Variants in B3GALT5 observed in about 807,000 individuals in gnomAD.
The protein encoded by B3GALT5 is beta-1,3-galactosyltransferase 5.
For missense variants in B3GALT5, 328 were observed against 396.6 expected (o/e 0.83, Z 1.47); for synonymous variants, 156 against 158.6 (o/e 0.98, Z 0.12).
At position 39,670,211 on chromosome 21, in the gene B3GALT5, CTG is replaced by C. The variant is rs146244694; in HGVS notation, c.*8743_*8744del. 4,785 of 148,860 alleles carry C rather than the reference CTG, an allele frequency of 0.032. 186 individuals carry two copies. The highest frequency in any genetic ancestry group is 0.093 in the African/African-American group (3,773 of 40,720). The allele number at this position is 148,860 out of a possible 1,614,324, so 9.2% of individuals were successfully genotyped here. ...CAAGCCCGGGGGCGCCACACTCAGA[CTG>C]TGTGTGTGTGTGTGTGTGTGTGTAT... On this transcript the variant is annotated 3_prime_UTR_variant, in exon 4 of 4. Transcript: ENST00000684187.
intron 1 of B3GALT5, among the ~76,000 whole-genome samples, chr21:39,641,409 T>C (rs893376237): frequency 2.7e-5 from 4 of 149,592 alleles, no homozygotes; most frequent in Non-Finnish European, 6.0e-5. Flanking sequence ...ATTGATGCCC[T>C]AAATTCTTAC....
intron 2 of B3GALT5, chr21:39,657,598 C>T (rs962177911): frequency 6.5e-5 from 18 of 278,648 alleles, no homozygotes; most frequent in East Asian, 2.9e-4. Context: ...TGGCCTGTCA[C>T]GGTATTTCCC....
At chr21:39,637,817 G>T (rs1295408972) in intron 1 of B3GALT5, among the ~76,000 whole-genome samples, 1 of 152,206 alleles carries the variant, frequency 6.6e-6, no homozygotes, top group Non-Finnish European at 1.5e-5. Flanking sequence ...TAGAAGCAAG[G>T]AGACTTAATT....
In B3GALT5 at chr21:39,662,961, T is replaced by C. The variant is rs901474102; in HGVS notation, c.*1469T>C. On this transcript the variant is annotated 3_prime_UTR_variant, in exon 4 of 4. Transcript: ENST00000684187. ...TTCAATTGCAAAAGTACGTCTGATA[T>C]CCTATTTTGCATACCATTTCTTGTG... The C allele has an allele frequency of 1.3e-5, 2 of 157,172 alleles. No individual in the cohort carries two copies. The highest frequency in any genetic ancestry group is 2.9e-5 in the Non-Finnish European group (2 of 68,060). The allele number at this position is 157,172 out of a possible 1,614,324, so 9.7% of individuals were successfully genotyped here. A position where few individuals can be genotyped will look rare whatever the true frequency, so the allele number is the denominator to read the frequency against.
At chr21:39,617,077 G>C (rs1172707059) in intron 1 of B3GALT5, among the ~76,000 whole-genome samples, 5 of 152,136 alleles carry the variant, frequency 3.3e-5, no homozygotes, top group Non-Finnish European at 5.9e-5. Flanking sequence ...AGCTCCCTCT[G>C]TCCCCTCCCT....
rs1034881377 is a variant in B3GALT5 at position 39,663,771 on chromosome 21, C to T, written c.*2279C>T. The T allele has an allele frequency of 6.6e-6, 1 of 152,230 alleles. No homozygotes were observed. Among genetic ancestry groups the T allele is most frequent in the East Asian group, 1.9e-4 (1 of 5,190 alleles). 9.4% of individuals were successfully genotyped at this position (152,230 alleles called of 1,614,324 possible). A position where few individuals can be genotyped will look rare whatever the true frequency, so the allele number is the denominator to read the frequency against. ...GGCTCAGAGAGACGTAACAACTTGC[C>T]CAGGACCTTCCCAGCTTGTTTGTTG... On this transcript the variant is annotated 3_prime_UTR_variant, in exon 4 of 4. Transcript: ENST00000684187.
chr21:39,647,230 G>T (rs1164025709), intron 2 of B3GALT5, among the ~76,000 whole-genome samples: 1 of 152,226 alleles, frequency 6.6e-6, no homozygotes. Context: ...GGAGTCTTTG[G>T]TTCTCACCTT....
intron 1 of B3GALT5, among the ~76,000 whole-genome samples, chr21:39,618,783 T>A (rs926005425): frequency 6.6e-6 from 1 of 152,190 alleles, no homozygotes; most frequent in Non-Finnish European, 1.5e-5. Context: ...TTTAATTTGG[T>A]GAAATTTACC....
Position 39,661,467 on chromosome 21 carries a change from G to T in B3GALT5, c.908G>T (p.Arg303Leu). 1 of 1,509,728 alleles carries T rather than the reference G, an allele frequency of 6.6e-7. No homozygotes were observed. The highest frequency in any genetic ancestry group is 8.8e-7 in the Non-Finnish European group (1 of 1,130,218). 93.5% of individuals were successfully genotyped at this position (1,509,728 alleles called of 1,614,324 possible). The change falls in exon 4 of 4, where the codon CGG (arginine) becomes CTG (leucine). Residue 303 changes from arginine (R) to leucine (L), a missense_variant. Transcript: ENST00000684187. This position sits in a 1 kb window ranked among gnomAD's most constrained non-coding sequence, Gnocchi z 4.7. ...LDYWQALENSRGEDCPPV is the reference protein window; with the variant it reads ...LDYWQALENSLGEDCPPV Reference sequence around the variant, plus strand: ...TACTGGCAGGCTCTAGAGAATTCCCGGGGGGAAGATTGTCCGCCTGTCTGA... The same window carrying T: ...TACTGGCAGGCTCTAGAGAATTCCCTGGGGGAAGATTGTCCGCCTGTCTGA...
chr21:39,655,975 A>G lies in B3GALT5; in HGVS notation c.-160-3778A>G, dbSNP rs140704392. Among the ~76,000 whole-genome samples, 810 of 152,222 alleles carry G rather than the reference A, an allele frequency of 5.3e-3. 39 individuals are homozygous for G. The highest frequency in any genetic ancestry group is 0.049 in the Admixed American group (749 of 15,288). On this transcript the variant is annotated intron_variant, in intron 2 of 3. Transcript: ENST00000684187. ...TGGGCACAGTGGTCTGGGGTCTTCG[A>G]CCTTGTTTATACGTGGTGCCTGTTA...
chr21:39,622,111 T>C (rs976326153), intron 1 of B3GALT5, among the ~76,000 whole-genome samples: 1 of 152,110 alleles, frequency 6.6e-6, no homozygotes, highest in Non-Finnish European at 1.5e-5. Context: ...AAATATCTAT[T>C]ATGATTTCCT....
intron 1 of B3GALT5, among the ~76,000 whole-genome samples, chr21:39,645,789 A>G (rs2079332281): frequency 6.6e-6 from 1 of 152,174 alleles, no homozygotes; most frequent in South Asian, 2.1e-4. Context: ...GGCAGTGGTC[A>G]AAAGGGGAGA....
intron 1 of B3GALT5, among the ~76,000 whole-genome samples, chr21:39,626,653 T>G (rs148993759): frequency 6.6e-6 from 1 of 152,332 alleles, no homozygotes; most frequent in African/African-American, 2.4e-5. Context: ...TGCGAAGTGC[T>G]GTCTCATTGT....
chr21:39,642,068 C>T (rs977696914), intron 1 of B3GALT5, among the ~76,000 whole-genome samples: 2 of 152,192 alleles, frequency 1.3e-5, no homozygotes, highest in Non-Finnish European at 2.9e-5. Flanking sequence ...TACCTTGCTC[C>T]GTAACTGTTG....
At chr21:39,652,065 C>T (rs1413726048) in intron 2 of B3GALT5, among the ~76,000 whole-genome samples, 1 of 152,170 alleles carries the variant, frequency 6.6e-6, no homozygotes, top group African/African-American at 2.4e-5. Context: ...CCATAGTGAA[C>T]CCTGTGAGGT....
At position 39,643,417 on chromosome 21, in the gene B3GALT5, C is replaced by CAA. The variant is rs532164130; in HGVS notation, c.-391-2960_-391-2959dup. ...TGGGCAACAGAGCGAGACTCTAGCT[C>CAA]AAAAAAAAAAAAAAAAGAAAAAGAA... On this transcript the variant is annotated intron_variant, in intron 1 of 3. Transcript: ENST00000684187. Among the ~76,000 whole-genome samples, 1,022 of 113,372 alleles carry CAA rather than the reference C, an allele frequency of 9.0e-3. 7 individuals are homozygous for CAA. Among genetic ancestry groups the CAA allele is most frequent in the African/African-American group, 0.024 (743 of 30,992 alleles). 74.4% of individuals were successfully genotyped at this position (113,372 alleles called of 152,430 possible).
chr21:39,668,531 ACATCATCCT>A lies in B3GALT5; in HGVS notation c.*7042_*7050del, dbSNP rs2079598813. 6.6e-6 allele frequency: 1 copy of A among 152,216 alleles called. No individual in the cohort carries two copies. The highest frequency in any genetic ancestry group is 1.5e-5 in the Non-Finnish European group (1 of 68,066). 9.4% of individuals were successfully genotyped at this position (152,216 alleles called of 1,614,324 possible). A position where few individuals can be genotyped will look rare whatever the true frequency, so the allele number is the denominator to read the frequency against. The stretch of plus-strand genomic sequence containing the variant: ...GAAGTTGTAGCCTCCTCCTCCCATG[ACATCATCCT>A]CACACGTGCTCAGTGTTAGGCATTT... On this transcript the variant is annotated 3_prime_UTR_variant, in exon 4 of 4. Transcript: ENST00000684187.
intron 1 of B3GALT5, among the ~76,000 whole-genome samples, chr21:39,641,856 A>G (rs942898497): frequency 1.3e-5 from 2 of 152,258 alleles, no homozygotes; most frequent in Non-Finnish European, 2.9e-5. Flanking sequence ...AAAGTGAGAC[A>G]TGTAAAACTA....
chr21:39,631,319 T>C (rs963375643), intron 1 of B3GALT5, among the ~76,000 whole-genome samples: 7 of 152,140 alleles, frequency 4.6e-5, no homozygotes, highest in African/African-American at 1.7e-4. Context: ...TTAATGGCAA[T>C]ATTTGATGTT....
Sources: gnomAD v4.1 joint callset for allele counts (sites outside exome capture counted in the v4.1 genomes callset) on GRCh38, gnomAD v4.1.1 for gene constraint, Gnocchi (gnomAD v3.1) non-coding constraint, MANE v1.5 for transcripts, NCBI Gene and HGNC (gene_info 2026-07-23, HGNC 2026-07-21) for gene names.